Variants in SMARCC1 observed in about 807,000 individuals in gnomAD.
SMARCC1 encodes SWI/SNF complex subunit SMARCC1.
Under a neutral mutation model 147.4 loss-of-function variants are expected in SMARCC1, and 43 were observed. The observed-to-expected ratio is 0.29, with a 90% CI of 0.23 to 0.38. The LOEUF (loss-of-function observed/expected upper bound fraction) is 0.38. Ranked by LOEUF, SMARCC1 falls within the 10% of genes least tolerant of loss-of-function variation. The pLI is 1.00. For missense variants in SMARCC1, 1,119 were observed against 1,381.1 expected, an observed-to-expected ratio of 0.81 and a Z score of 3.01; for synonymous variants, 495 against 484.4, an observed-to-expected ratio of 1.02 and a Z score of -0.29.
At chr3:47,684,798 G>A (rs975088645) in intron 14 of SMARCC1, among the ~76,000 whole-genome samples, 1 of 151,972 alleles carries the variant, frequency 6.6e-6, no homozygotes, top group African/African-American at 2.4e-5. Context: ...TGTGTTCCAA[G>A]ACCCCCAATG....
intron 21 of SMARCC1, among the ~76,000 whole-genome samples, chr3:47,655,333 A>C (rs1203065221): frequency 6.6e-6 from 1 of 152,156 alleles, no homozygotes; most frequent in Non-Finnish European, 1.5e-5. Context: ...TGGGAGGCAG[A>C]GGTTGTGATG....
chr3:47,598,825 C>CAAA (rs59776566), intron 26 of SMARCC1, among the ~76,000 whole-genome samples: 2 of 68,992 alleles, frequency 2.9e-5, no homozygotes, highest in African/African-American at 1.1e-4. Context: ...GACTCTGTCT[C>CAAA]AAAAAAAAAA....
At chr3:47,597,128 G>C (rs1334214065) in intron 26 of SMARCC1, among the ~76,000 whole-genome samples, 1 of 149,830 alleles carries the variant, frequency 6.7e-6, no homozygotes, top group Non-Finnish European at 1.5e-5. Context: ...TCTAGCCTGG[G>C]CGACAGGGCG....
intron 2 of SMARCC1, among the ~76,000 whole-genome samples, chr3:47,751,945 A>C (rs1334083471): frequency 6.6e-6 from 1 of 152,068 alleles, no homozygotes; most frequent in East Asian, 1.9e-4. Flanking sequence ...TTAGCAGGAC[A>C]TGGTGGCACA....
chr3:47,693,174 A>C, intron 12 of SMARCC1, 67 bp downstream of exon 12: 1 of 915,590 alleles, frequency 1.1e-6, no homozygotes, highest in Non-Finnish European at 1.8e-6. Flanking sequence ...GGAAGAATAG[A>C]CTATCAAAGG....
intron 3 of SMARCC1, among the ~76,000 whole-genome samples, chr3:47,739,221 A>G (rs1229724066): frequency 6.6e-6 from 1 of 152,250 alleles, no homozygotes; most frequent in African/African-American, 2.4e-5. Context: ...TCATAAATAT[A>G]ACAGCTTACT....
intron 26 of SMARCC1, among the ~76,000 whole-genome samples, chr3:47,596,029 G>C (rs942878896): frequency 4.6e-5 from 7 of 150,674 alleles, no homozygotes; most frequent in African/African-American, 7.3e-5. Context: ...TACCAAACCC[G>C]GCCAGGTTTT....
chr3:47,772,838 G>C lies in SMARCC1; in HGVS notation c.294C>G (p.Asn98Lys). Residue 98 changes from asparagine to lysine, a missense_variant, in exon 2 of 28, where the codon AAC (asparagine) becomes AAG (lysine). This residue lies in a region of SMARCC1 where 542 missense variants were observed against 611.8 expected (regional missense o/e 0.89). Transcript: ENST00000254480. ...QEDAFGKHVTNPAFTKLPAKC... is the reference protein window; with the variant it reads ...QEDAFGKHVTKPAFTKLPAKC... ...TTACAGGGAGTTTGGTGAAGGCCGGGTTGGTGACATGCTTCCCAAAGGCAT... is the reference window on the plus strand; with the variant it reads ...TTACAGGGAGTTTGGTGAAGGCCGGCTTGGTGACATGCTTCCCAAAGGCAT... 1 of 1,613,044 alleles carries C rather than the reference G, an allele frequency of 6.2e-7. No homozygotes were observed. The highest frequency in any genetic ancestry group is 8.5e-7 in the Non-Finnish European group (1 of 1,179,338).
chr3:47,589,755 T>C (rs1047240004), intron 27 of SMARCC1, among the ~76,000 whole-genome samples: 2 of 152,260 alleles, frequency 1.3e-5, no homozygotes, highest in Non-Finnish European at 2.9e-5. Context: ...ATGTAACCTT[T>C]GGTAAGTTCT....
At chr3:47,684,753 TTTA>T (rs1396007448) in intron 14 of SMARCC1, among the ~76,000 whole-genome samples, 1 of 152,132 alleles carries the variant, frequency 6.6e-6, no homozygotes. Flanking sequence ...ATTTTTTTCC[TTTA>T]TATAAAGTAG....
At chr3:47,655,425 G>A (rs570860905) in intron 21 of SMARCC1, among the ~76,000 whole-genome samples, 3 of 150,958 alleles carry the variant, frequency 2.0e-5, no homozygotes, top group South Asian at 2.1e-4. Flanking sequence ...GGCCAGGCAC[G>A]GTGGCCCACG....
chr3:47,761,638 T>C (rs1186669034), intron 2 of SMARCC1, among the ~76,000 whole-genome samples: 1 of 152,152 alleles, frequency 6.6e-6, no homozygotes, highest in Non-Finnish European at 1.5e-5. Flanking sequence ...AAGTCCATCC[T>C]TTTATTCTTG....
intron 26 of SMARCC1, chr3:47,604,292 C>A (rs774236928): frequency 6.6e-6 from 3 of 456,590 alleles, no homozygotes; most frequent in Non-Finnish European, 1.3e-5. Flanking sequence ...GAAAAATTAA[C>A]CACTTGGTAA....
At chr3:47,621,137 T>C (rs1191566416) in intron 25 of SMARCC1, among the ~76,000 whole-genome samples, 1 of 151,634 alleles carries the variant, frequency 6.6e-6, no homozygotes, top group Non-Finnish European at 1.5e-5. Flanking sequence ...CCGTCTCTAC[T>C]AAAAACACAA....
At chr3:47,749,384 G>A (rs575041864) in intron 2 of SMARCC1, among the ~76,000 whole-genome samples, 35 of 151,334 alleles carry the variant, frequency 2.3e-4, no homozygotes, top group African/African-American at 6.1e-4. Flanking sequence ...AAATAGGCCA[G>A]GCACAGTGGC....
intron 2 of SMARCC1, among the ~76,000 whole-genome samples, chr3:47,752,936 C>A (rs1242044367): frequency 6.6e-6 from 1 of 152,148 alleles, no homozygotes; most frequent in Non-Finnish European, 1.5e-5. Context: ...ATAAACAATT[C>A]TATCCCTGGC....
At chr3:47,761,603 C>T in intron 2 of SMARCC1, among the ~76,000 whole-genome samples, 1 of 152,124 alleles carries the variant, frequency 6.6e-6, no homozygotes, top group African/African-American at 2.4e-5. Flanking sequence ...ACTCAAGTGA[C>T]TACGACTGCT....
At chr3:47,778,013 C>T (rs1233985229) in intron 1 of SMARCC1, among the ~76,000 whole-genome samples, 1 of 150,958 alleles carries the variant, frequency 6.6e-6, no homozygotes, top group Non-Finnish European at 1.5e-5. Flanking sequence ...CAAGCCCAGC[C>T]TGGCCAACAT....
At chr3:47,630,225 C>T (rs1017505649) in intron 24 of SMARCC1, among the ~76,000 whole-genome samples, 2 of 152,066 alleles carry the variant, frequency 1.3e-5, no homozygotes, top group South Asian at 2.1e-4. Flanking sequence ...CACTTCAGAT[C>T]ATCAGACATT....
Sources: gnomAD v4.1 joint callset for allele counts (sites outside exome capture counted in the v4.1 genomes callset) on GRCh38, gnomAD v4.1.1 for gene constraint, gnomAD v4.1.1 regional missense constraint, MANE v1.5 for transcripts, NCBI Gene and HGNC (gene_info 2026-07-23, HGNC 2026-07-21) for gene names.